The following RNF111 variants were observed in gnomAD, a reference collection of about 807,000 sequenced individuals.
The protein encoded by RNF111 is E3 ubiquitin-protein ligase Arkadia.
RNF111 carries 17 observed loss-of-function variants against 95.1 expected under a neutral mutation model. The observed-to-expected ratio is 0.18, with a 90% CI of 0.12 to 0.27. The LOEUF is 0.27. Ranked by LOEUF, RNF111 falls within the 10% of genes least tolerant of loss-of-function variation. RNF111 has a pLI of 1.00. For missense variants in RNF111, 1,189 were observed against 1,210.4 expected (o/e 0.98, Z 0.26); for synonymous variants, 440 against 414.8 (o/e 1.06, Z -0.74).
intron 1 of RNF111, among the ~76,000 whole-genome samples, chr15:59,001,335 CTCTCT>C (rs766512672): frequency 3.3e-5 from 5 of 151,960 alleles, no homozygotes; most frequent in Non-Finnish European, 5.9e-5. Context: ...CATTTTTTAC[CTCTCT>C]TCTCTTTTCT....
At chr15:59,061,812 A>G (rs1364080963) in intron 5 of RNF111, among the ~76,000 whole-genome samples, 3 of 152,094 alleles carry the variant, frequency 2.0e-5, no homozygotes, top group African/African-American at 7.2e-5. Flanking sequence ...ATTTAAGTGT[A>G]TTTTTGTCAC....
intron 1 of RNF111, among the ~76,000 whole-genome samples, chr15:59,006,673 A>G (rs2039553255): frequency 6.6e-6 from 1 of 152,206 alleles, no homozygotes; most frequent in Non-Finnish European, 1.5e-5. Context: ...GTTGCTTTTT[A>G]TGCATTTTAA....
intron 3 of RNF111, among the ~76,000 whole-genome samples, chr15:59,053,025 G>T (rs2042055838): frequency 6.6e-6 from 1 of 152,080 alleles, no homozygotes; most frequent in Non-Finnish European, 1.5e-5. Context: ...AAGGGGTATT[G>T]ATGTTGAAAT....
intron 1 of RNF111, among the ~76,000 whole-genome samples, chr15:59,017,494 A>G (rs898557135): frequency 2.0e-5 from 3 of 152,186 alleles, no homozygotes; most frequent in Non-Finnish European, 4.4e-5. Context: ...TCTTTTCTGT[A>G]TATTTATAAA....
In RNF111 at chr15:58,987,951, T is replaced by C. The variant is rs1398779241; in HGVS notation, c.-137T>C. 1 of 152,404 alleles carries C rather than the reference T, an allele frequency of 6.6e-6. No homozygotes were observed. Among genetic ancestry groups the C allele is most frequent in the Non-Finnish European group, 1.5e-5 (1 of 68,142 alleles). The allele number at this position is 152,404 out of a possible 1,614,324, so 9.4% of individuals were successfully genotyped here. On this transcript the variant is annotated 5_prime_UTR_variant, in exon 1 of 14. Transcript: ENST00000348370. ...ACTCTAGGGGCCTATTAGGCCGACG[T>C]CTGAGGCGCAGATCGCTGGCTCTCG...
intron 2 of RNF111, among the ~76,000 whole-genome samples, chr15:59,041,959 A>ATTTTTTTTTTTTTTTTTTTTT (rs775444330): frequency 9.2e-6 from 1 of 108,460 alleles, no homozygotes; most frequent in Non-Finnish European, 1.8e-5. Context: ...CAGTCTGTTC[A>ATTTTTTTTTTTTTTTTTTTTT]TATTTTTTTT....
intron 6 of RNF111, among the ~76,000 whole-genome samples, chr15:59,069,595 G>A (rs2042819715): frequency 6.6e-6 from 1 of 152,116 alleles, no homozygotes; most frequent in Non-Finnish European, 1.5e-5. Flanking sequence ...ATTAGTAGAA[G>A]TATTTGGACT....
At chr15:59,070,718 C>T (rs773713322) in intron 6 of RNF111, among the ~76,000 whole-genome samples, 12 of 152,124 alleles carry the variant, frequency 7.9e-5, no homozygotes, top group Non-Finnish European at 1.8e-4. Flanking sequence ...TATCATCACA[C>T]CCCTTTCCTT....
chr15:59,048,712 A>G (rs1289344510), intron 2 of RNF111, among the ~76,000 whole-genome samples: 2 of 152,234 alleles, frequency 1.3e-5, no homozygotes, highest in African/African-American at 2.4e-5. Context: ...TGTAAAAAAT[A>G]CAGCAAGAAA....
At chr15:58,997,077 CTT>C (rs1285251801) in intron 1 of RNF111, among the ~76,000 whole-genome samples, 5 of 151,758 alleles carry the variant, frequency 3.3e-5, no homozygotes, top group African/African-American at 1.2e-4. Context: ...GTTTAAGTGT[CTT>C]TTTTTAAGTT....
intron 7 of RNF111, 26 bp downstream of exon 7, chr15:59,076,241 A>G (rs1222409477): frequency 6.3e-7 from 1 of 1,598,244 alleles, no homozygotes; most frequent in Non-Finnish European, 8.5e-7. Context: ...GTGGACACAA[A>G]ATCTAGAGTC....
chr15:59,058,016 C>T (rs760854469), intron 4 of RNF111, among the ~76,000 whole-genome samples: 37 of 152,294 alleles, frequency 2.4e-4, no homozygotes, highest in Non-Finnish European at 3.4e-4. Flanking sequence ...ACCATGTGTA[C>T]GTGCATAGTA....
chr15:59,029,109 C>T (rs564389666), intron 1 of RNF111, among the ~76,000 whole-genome samples: 70 of 152,094 alleles, frequency 4.6e-4, no homozygotes, highest in Middle Eastern at 3.4e-3. Flanking sequence ...TCTGCTAGAC[C>T]GCTTCCCAAA....
At chr15:59,091,971 G>A (rs192063165) in intron 12 of RNF111, among the ~76,000 whole-genome samples, 8 of 152,328 alleles carry the variant, frequency 5.3e-5, no homozygotes, top group African/African-American at 1.9e-4. Context: ...TCGCTCACCT[G>A]CCACTCACCT....
rs571008596 is a variant in RNF111 at position 59,096,715 on chromosome 15, T to C, written c.*1815T>C. 2.0e-5 allele frequency: 3 copies of C among 152,348 alleles called. No individual in the cohort carries two copies. The highest frequency in any genetic ancestry group is 2.1e-4 in the South Asian group (1 of 4,822). The allele number at this position is 152,348 out of a possible 1,614,324, so 9.4% of individuals were successfully genotyped here. A position where few individuals can be genotyped will look rare whatever the true frequency, so the allele number is the denominator to read the frequency against. On this transcript the variant is annotated 3_prime_UTR_variant, in exon 14 of 14. Coordinates refer to ENST00000348370, the MANE Select transcript of RNF111 (RefSeq NM_017610.8). ...GGTCAGGGGAGAGTGAAGGAGTCAG[T>C]GACCTATGTCTGCCATCTTACTGGG... is the stretch of plus-strand genomic sequence containing the variant.
At chr15:59,049,941 C>T (rs1160909102) in intron 2 of RNF111, among the ~76,000 whole-genome samples, 1 of 151,034 alleles carries the variant, frequency 6.6e-6, no homozygotes, top group Non-Finnish European at 1.5e-5. Context: ...GGAGTTTTAC[C>T]ATGTTGGTCA....
At chr15:59,034,497 C>T (rs1048991864) in intron 2 of RNF111, among the ~76,000 whole-genome samples, 1 of 152,154 alleles carries the variant, frequency 6.6e-6, no homozygotes, top group Non-Finnish European at 1.5e-5. Context: ...TCATTGAATC[C>T]TTCCAGTACT....
intron 1 of RNF111, among the ~76,000 whole-genome samples, chr15:59,016,237 T>G (rs527987642): frequency 2.0e-5 from 3 of 151,704 alleles, no homozygotes; most frequent in African/African-American, 7.3e-5. Flanking sequence ...TGGCATGATT[T>G]TGGCTCACTG....
In RNF111 at chr15:59,031,229, A is replaced by G. The variant is rs1432027198; in HGVS notation, c.407A>G (p.Asp136Gly). The change falls in exon 2 of 14, where the codon GAT (aspartate) becomes GGT (glycine). Residue 136 changes from aspartate (D) to glycine (G), a missense_variant. Transcript: ENST00000348370. ...SDEDNDSSFS[D>G]CLSSPSSSLH... ...GAAGATAATGATTCCTCTTTTAGTG[A>G]TTGTCTTTCTTCTCCTTCATCTAGT... 3.7e-6 allele frequency: 6 copies of G among 1,614,018 alleles called. No homozygotes were observed. Among genetic ancestry groups the G allele is most frequent in the South Asian group, 3.3e-5 (3 of 91,082 alleles).
Sources: allele counts gnomAD v4.1 joint callset (sites outside exome capture counted in the v4.1 genomes callset), GRCh38; gene constraint gnomAD v4.1.1; transcripts MANE v1.5; gene names NCBI Gene and HGNC (gene_info 2026-07-23, HGNC 2026-07-21).